NALF1: variants seen among roughly 807,000 people sequenced by gnomAD.
The protein encoded by NALF1 is family with sequence similarity 155 member A.
NALF1 carries 3 observed loss-of-function variants against 48.4 expected under a neutral mutation model. That is an observed-to-expected ratio of 0.06 (90% confidence interval 0.03 to 0.16). The LOEUF is 0.16. Ranked by LOEUF, NALF1 falls within the 10% of genes least tolerant of loss-of-function variation. NALF1 has a pLI of 1.00. For synonymous variants in NALF1, 262 were observed against 245.7 expected, an observed-to-expected ratio of 1.07 and a Z score of -0.62; for missense variants, 526 against 571.5, an observed-to-expected ratio of 0.92 and a Z score of 0.81.
intron 1 of NALF1, among the ~76,000 whole-genome samples, chr13:107,389,064 G>A (rs780801487): frequency 6.6e-6 from 1 of 152,168 alleles, no homozygotes. Context: ...TCCACCTTCC[G>A]GTGGTACCTG....
chr13:107,466,026 G>C (rs1884996362), intron 1 of NALF1: 1 of 152,850 alleles, frequency 6.5e-6, no homozygotes, highest in South Asian at 2.1e-4. Flanking sequence ...GTTCCACGTA[G>C]CTGGGGAGGT....
intron 1 of NALF1, among the ~76,000 whole-genome samples, chr13:107,281,959 G>A (rs114928596): frequency 0.03 from 4,501 of 152,232 alleles, 256 homozygotes; most frequent in African/African-American, 0.1. Flanking sequence ...CCTTTAAAAC[G>A]TGGGGAATAT....
intron 1 of NALF1, among the ~76,000 whole-genome samples, chr13:107,814,393 C>A (rs957181369): frequency 3.3e-5 from 5 of 152,176 alleles, no homozygotes; most frequent in African/African-American, 1.2e-4. Context: ...TACTAATACG[C>A]ATTTTGGATT....
intron 1 of NALF1, among the ~76,000 whole-genome samples, chr13:107,559,473 T>C (rs1361721612): frequency 6.6e-6 from 1 of 152,060 alleles, no homozygotes; most frequent in African/African-American, 2.4e-5. Context: ...AAAAAACCAA[T>C]AATATCTCAT....
At chr13:107,201,889 C>G (rs1388429521) in intron 2 of NALF1, among the ~76,000 whole-genome samples, 1 of 152,142 alleles carries the variant, frequency 6.6e-6, no homozygotes, top group Non-Finnish European at 1.5e-5. Flanking sequence ...ATGAGCCTTA[C>G]TTTCTGGCAG....
At chr13:107,736,765 T>C (rs1427557031) in intron 1 of NALF1, among the ~76,000 whole-genome samples, 1 of 152,142 alleles carries the variant, frequency 6.6e-6, no homozygotes, top group East Asian at 1.9e-4. Context: ...TCATAGCTAA[T>C]TTGGGGTGTA....
chr13:107,279,043 C>CTT (rs200133690), intron 1 of NALF1, among the ~76,000 whole-genome samples: 10,962 of 122,846 alleles, frequency 0.089, 633 homozygotes, highest in Admixed American at 0.13. Context: ...TTCTTTTCTT[C>CTT]TTTTTTTTTT....
At chr13:107,723,388 T>C (rs1289452864) in intron 1 of NALF1, among the ~76,000 whole-genome samples, 1 of 152,146 alleles carries the variant, frequency 6.6e-6, no homozygotes, top group Non-Finnish European at 1.5e-5. Context: ...TTCCCATCAT[T>C]TTTTTATGTA....
intron 1 of NALF1, among the ~76,000 whole-genome samples, chr13:107,705,279 T>A (rs1005345277): frequency 5.3e-5 from 8 of 152,196 alleles, no homozygotes; most frequent in African/African-American, 9.6e-5. Context: ...GCAGTACAGA[T>A]GTGCTTTGCC....
chr13:107,385,221 C>A (rs1288546581), intron 1 of NALF1, among the ~76,000 whole-genome samples: 2 of 152,014 alleles, frequency 1.3e-5, no homozygotes, highest in Admixed American at 1.3e-4. Flanking sequence ...GGTTCTTTTT[C>A]TTTTTCCTTT....
At chr13:107,628,299 C>T (rs1009349279) in intron 1 of NALF1, among the ~76,000 whole-genome samples, 3 of 152,246 alleles carry the variant, frequency 2.0e-5, no homozygotes, top group Admixed American at 6.6e-5. Flanking sequence ...ACTTTGCATC[C>T]GTACAATGCA....
intron 1 of NALF1, among the ~76,000 whole-genome samples, chr13:107,530,162 T>C (rs1876580041): frequency 6.6e-6 from 1 of 152,092 alleles, no homozygotes; most frequent in African/African-American, 2.4e-5. Context: ...CTCCTGCCTA[T>C]TAATGAGGCA....
At position 107,302,074 on chromosome 13, in the gene NALF1, T is replaced by C. The variant is rs533924675; in HGVS notation, c.916-91319A>G. ...ATGGATTAATCCATTCATGAACTAA[T>C]GGATTGATAGATTAATGGATAAATG... On this transcript the variant is annotated intron_variant, in intron 1 of 2. Coordinates refer to ENST00000375915, the MANE Select transcript of NALF1 (RefSeq NM_001080396.3). 3.2e-4 allele frequency among the ~76,000 whole-genome samples: 48 copies of C among 152,246 alleles called. 1 individual carries two copies. The South Asian group carries it at 9.9e-3, about 32-fold the overall frequency.
In NALF1 at chr13:107,515,439, CCT is replaced by C. The variant is rs528876701; in HGVS notation, c.916-304686_916-304685del. Among the ~76,000 whole-genome samples the C allele has an allele frequency of 3.7e-3, 567 of 152,192 alleles. 4 individuals are homozygous for C. Among genetic ancestry groups the C allele is most frequent in the African/African-American group, 0.013 (526 of 41,506 alleles). On this transcript the variant is annotated intron_variant, in intron 1 of 2. Coordinates refer to ENST00000375915, the MANE Select transcript of NALF1 (RefSeq NM_001080396.3). ...TTAACCCATTTACTCCTTATAACAA[CCT>C]GTTATAAGGTTGTATGGCTATGATC... is the stretch of plus-strand genomic sequence containing the variant.
intron 1 of NALF1, among the ~76,000 whole-genome samples, chr13:107,839,201 G>A (rs915749487): frequency 6.6e-6 from 1 of 151,800 alleles, no homozygotes; most frequent in Admixed American, 6.6e-5. Flanking sequence ...TCTAATGAAT[G>A]CCATGCAGAT....
Position 107,352,565 on chromosome 13 carries a change from C to T in NALF1, c.916-141810G>A, listed in dbSNP as rs1225566862. Among the ~76,000 whole-genome samples the T allele has an allele frequency of 2.6e-5, 4 of 152,100 alleles. No homozygotes were observed. In the East Asian group the frequency reaches 7.7e-4, roughly 29 times the overall value. ...CAGGGTGCCAACTTCTCCTTGTGCT[C>T]TCACAAGGAGGAAAGATGGCAAGAG... On this transcript the variant is annotated intron_variant, in intron 1 of 2. Transcript: ENST00000375915.
Position 107,316,006 on chromosome 13 carries a change from T to C in NALF1, c.916-105251A>G, listed in dbSNP as rs1198809751. 6.6e-5 allele frequency among the ~76,000 whole-genome samples: 10 copies of C among 152,230 alleles called. No individual in the cohort carries two copies. The East Asian group carries it at 1.9e-3, about 29-fold the overall frequency. ...TTGGTGTGCTGCACCCATTAACTTG[T>C]CATTTACATTAGGTATATCTCCTAA... On this transcript the variant is annotated intron_variant, in intron 1 of 2. Transcript: ENST00000375915.
At chr13:107,754,372 C>A (rs900200360) in intron 1 of NALF1, among the ~76,000 whole-genome samples, 1 of 151,072 alleles carries the variant, frequency 6.6e-6, no homozygotes, top group Non-Finnish European at 1.5e-5. Flanking sequence ...CACACACACA[C>A]ACACACACAC....
intron 1 of NALF1, among the ~76,000 whole-genome samples, chr13:107,779,682 T>C (rs1259191347): frequency 6.6e-6 from 1 of 152,200 alleles, no homozygotes; most frequent in Non-Finnish European, 1.5e-5. Flanking sequence ...TGAATTTTCA[T>C]ACATTAAGCT....
Sources: gnomAD v4.1 joint callset for allele counts (sites outside exome capture counted in the v4.1 genomes callset) on GRCh38, gnomAD v4.1.1 for gene constraint, MANE v1.5 for transcripts, NCBI Gene and HGNC (gene_info 2026-07-23, HGNC 2026-07-21) for gene names.